Variants in MROH7 observed in about 807,000 individuals in gnomAD.
The protein encoded by MROH7 is maestro heat-like repeat-containing protein family member 7.
MROH7 carries 113 observed loss-of-function variants against 129.2 expected under a neutral mutation model. That is an observed-to-expected ratio of 0.87 (90% CI 0.75 to 1.02). The LOEUF is 1.02. Ranked by LOEUF, MROH7 falls within the 50% of genes least tolerant of loss-of-function variation. The pLI is 0.00. For synonymous variants in MROH7, 655 were observed against 667.9 expected (o/e 0.98, Z 0.30); for missense variants, 1,601 against 1,671.3 (o/e 0.96, Z 0.73).
intron 13 of MROH7, among the ~76,000 whole-genome samples, chr1:54,682,226 G>A (rs1038598690): frequency 1.3e-5 from 2 of 148,492 alleles, no homozygotes; most frequent in Admixed American, 6.8e-5. Context: ...CACTGCTGGC[G>A]TGATCTTGGT....
rs200388504 is a variant in MROH7 at position 54,709,006 on chromosome 1, C to A, written c.3668-8C>A. ...ACAAATGCCCTCACTTCTTGGATTACGCTCAAGGGTCCCTGGTCCCCTGCA... is the reference window on the plus strand; with the variant it reads ...ACAAATGCCCTCACTTCTTGGATTAAGCTCAAGGGTCCCTGGTCCCCTGCA... On this transcript the variant is annotated splice_region_variant and splice_polypyrimidine_tract_variant and intron_variant, in intron 22 of 23. Transcript: ENST00000421030. The A allele has an allele frequency of 6.1e-4, 977 of 1,614,032 alleles. 7 individuals are homozygous for A. In the African/African-American group the frequency reaches 9.4e-3, roughly 15 times the overall value.
At chr1:54,677,108 G>A (rs878896873) in intron 10 of MROH7, among the ~76,000 whole-genome samples, 1 of 152,028 alleles carries the variant, frequency 6.6e-6, no homozygotes, top group Non-Finnish European at 1.5e-5. Context: ...CCAAAGTGCT[G>A]GGATTACAGG....
chr1:54,679,741 C>A, intron 12 of MROH7, 150 bp from the exon 13 acceptor site: 2 of 794,920 alleles, frequency 2.5e-6, no homozygotes, highest in Non-Finnish European at 2.0e-6. Flanking sequence ...GAGGGGCAGG[C>A]GCTCTGCTTG....
Position 54,710,006 on chromosome 1 carries a change from A to G in MROH7, c.3791A>G (p.Gln1264Arg), listed in dbSNP as rs200340301. Residue 1264 changes from glutamine to arginine, a missense_variant, in exon 24 of 24, where the codon CAG becomes CGG. Transcript: ENST00000421030. ...ASVCIYAAQV[Q>R]DHILASCWQN... is the part of the protein sequence containing the mutation. ...GTGTGCATCTACGCAGCCCAGGTCC[A>G]GGACCACATCCTGGCCAGCTGCTGG... 2.5e-4 allele frequency: 400 copies of G among 1,614,070 alleles called. No individual in the cohort carries two copies. Among genetic ancestry groups the G allele is most frequent in the Non-Finnish European group, 3.3e-4 (390 of 1,180,038 alleles).
At position 54,648,993 on chromosome 1, in the gene MROH7, A is replaced by G. The variant is rs572479788; in HGVS notation, c.-109-2956A>G. On this transcript the variant is annotated intron_variant, in intron 1 of 23. Coordinates refer to ENST00000421030, the MANE Select transcript of MROH7 (RefSeq NM_001039464.4). ...AGAATAGAAGAGTCCTATTTAGGGG[A>G]AAAATGGAGAGTCTGTTTTGGATGC... Among the ~76,000 whole-genome samples the G allele has an allele frequency of 1.6e-3, 238 of 152,206 alleles. 1 individual carries two copies. The highest frequency in any genetic ancestry group is 5.4e-3 in the African/African-American group (223 of 41,536).
At chr1:54,700,576 A>C (rs187292352) in intron 18 of MROH7, 115 bp downstream of exon 18, 3 of 1,015,768 alleles carry the variant, frequency 3.0e-6, no homozygotes, top group Non-Finnish European at 4.3e-6. Flanking sequence ...CATCATTTCT[A>C]TCTTAGCCTC....
At chr1:54,676,194 TTTA>T (rs1644977643) in intron 10 of MROH7, among the ~76,000 whole-genome samples, 2 of 152,134 alleles carry the variant, frequency 1.3e-5, no homozygotes, top group Non-Finnish European at 2.9e-5. Context: ...ACTCTTAGAT[TTTA>T]TTTATTTTTT....
intron 3 of MROH7, among the ~76,000 whole-genome samples, chr1:54,660,439 T>C (rs1332827067): frequency 6.6e-6 from 1 of 152,242 alleles, no homozygotes; most frequent in Non-Finnish European, 1.5e-5. Context: ...CAGCAATGAC[T>C]GAATTAATTT....
At chr1:54,671,040 C>T (rs927931801) in intron 7 of MROH7, 111 bp downstream of exon 7, 41 of 1,233,084 alleles carry the variant, frequency 3.3e-5, no homozygotes, top group Non-Finnish European at 4.4e-6. Flanking sequence ...ATTCAACTGA[C>T]TTCTGTTGGT....
intron 14 of MROH7, among the ~76,000 whole-genome samples, chr1:54,684,258 A>G (rs1181295789): frequency 6.6e-6 from 1 of 152,212 alleles, no homozygotes; most frequent in Non-Finnish European, 1.5e-5. Flanking sequence ...TCCTGCTTAG[A>G]GACATTCCAT....
chr1:54,663,961 G>T, intron 3 of MROH7: 2 of 327,420 alleles, frequency 6.1e-6, no homozygotes, highest in Non-Finnish European at 1.2e-5. Context: ...GGTTTTCATA[G>T]GCCCCAGTGA....
intron 2 of MROH7, 37 bp from the exon 3 acceptor site, chr1:54,652,816 T>A: frequency 7.1e-7 from 1 of 1,403,632 alleles, no homozygotes; most frequent in Non-Finnish European, 9.7e-7. Flanking sequence ...CCTTAACAGG[T>A]GTGGCATGGC....
Position 54,702,750 on chromosome 1 carries a change from G to T in MROH7, c.3564+5G>T, listed in dbSNP as rs1252631894. 6.2e-7 allele frequency: 1 copy of T among 1,611,718 alleles called. No homozygotes were observed. Among genetic ancestry groups the T allele is most frequent in the Non-Finnish European group, 8.5e-7 (1 of 1,179,018 alleles). On this transcript the variant is annotated splice_donor_5th_base_variant and intron_variant, in intron 21 of 23. Coordinates refer to ENST00000421030, the MANE Select transcript of MROH7 (RefSeq NM_001039464.4). ...GCCAAAATTTGCAAGTGCCTTGTGA[G>T]TGCTCCCAGAGAGTAGAGTGGTTCC... is the stretch of plus-strand genomic sequence containing the variant.
intron 14 of MROH7, among the ~76,000 whole-genome samples, 167 bp downstream of exon 14, chr1:54,682,961 G>A (rs1336075361): frequency 1.3e-5 from 2 of 152,180 alleles, no homozygotes; most frequent in African/African-American, 4.8e-5. Flanking sequence ...TGGTTCACTG[G>A]ACAATAACAG....
chr1:54,658,211 T>C (rs1644677929), intron 3 of MROH7, among the ~76,000 whole-genome samples: 1 of 152,246 alleles, frequency 6.6e-6, no homozygotes, highest in East Asian at 1.9e-4. Context: ...TATCCAGTTT[T>C]TCTTGCTCTA....
At chr1:54,663,627 G>C in intron 3 of MROH7, 1 of 351,556 alleles carries the variant, frequency 2.8e-6, no homozygotes, top group Non-Finnish European at 5.5e-6. Context: ...ACCCTCTTTG[G>C]CCTCCCAAAG....
At chr1:54,670,625 C>G in intron 6 of MROH7, 49 bp downstream of exon 6, 1 of 1,553,940 alleles carries the variant, frequency 6.4e-7, no homozygotes, top group Non-Finnish European at 8.8e-7. Context: ...CTCTCTTCCT[C>G]CACTTCTGCC....
chr1:54,702,496 A>T (rs140219366), intron 20 of MROH7, 127 bp from the exon 21 acceptor site: 10 of 976,458 alleles, frequency 1.0e-5, no homozygotes, highest in Middle Eastern at 2.7e-4. Context: ...AATAGTAATT[A>T]AAAAAATTAA....
intron 14 of MROH7, among the ~76,000 whole-genome samples, chr1:54,683,679 C>T (rs1373115664): frequency 6.6e-6 from 1 of 152,186 alleles, no homozygotes; most frequent in Non-Finnish European, 1.5e-5. Flanking sequence ...CTCCATGGTC[C>T]TCCTGCTTGC....
Sources: allele counts gnomAD v4.1 joint callset (sites outside exome capture counted in the v4.1 genomes callset), GRCh38; gene constraint gnomAD v4.1.1; transcripts MANE v1.5; gene names NCBI Gene and HGNC (gene_info 2026-07-23, HGNC 2026-07-21).